The following SF3A2 variants were observed in gnomAD, a reference collection of about 807,000 sequenced individuals.
SF3A2 encodes the protein splicing factor 3a subunit 2, also known as SAP 62.
Under a neutral mutation model 31.1 loss-of-function variants are expected in SF3A2, and 5 were observed. That is an observed-to-expected ratio of 0.16 (90% CI 0.08 to 0.34). SF3A2 has a LOEUF of 0.34. Among genes scored for constraint, SF3A2 ranks in the 10% least tolerant of loss-of-function variants. The probability of loss-of-function intolerance (pLI) is 1.00; values close to 1 mark genes in which losing one functional copy is unlikely to be tolerated. For synonymous variants in SF3A2, 365 were observed against 263.7 expected, an observed-to-expected ratio of 1.38 and a Z score of -3.72; for missense variants, 577 against 643.9, an observed-to-expected ratio of 0.90 and a Z score of 1.13.
At chr19:2,239,943 G>A (rs2024874270) in intron 1 of SF3A2, among the ~76,000 whole-genome samples, 1 of 152,128 alleles carries the variant, frequency 6.6e-6, no homozygotes. Flanking sequence ...ATGAAGGAGG[G>A]TGTCAGCGAT....
In SF3A2 at chr19:2,243,349, C is replaced by A. The variant is rs928195561; in HGVS notation, c.-37-33C>A. 7 of 1,452,150 alleles carry A rather than the reference C, an allele frequency of 4.8e-6. No individual in the cohort carries two copies. In the African/African-American group the frequency reaches 8.9e-5, roughly 19 times the overall value. 90.0% of individuals were successfully genotyped at this position (1,452,150 alleles called of 1,614,324 possible). ...CCCAGCAGCAGCCCCGAGTTCTGAG[C>A]CATCTTCCTCACTCTCCTCTTGGCC... On this transcript the variant is annotated intron_variant, in intron 1 of 8. Transcript: ENST00000221494.
In SF3A2 at chr19:2,248,126, A is replaced by T; in HGVS notation, c.975A>T (p.Pro325=). The change falls in exon 9 of 9, where the codon CCA becomes CCT. Residue 325 remains proline (P), a synonymous_variant. Transcript: ENST00000221494. ...VHPPAPGVHP[P]TSGVHPPAPG... ...CCCCAGCCCCTGGGGTCCACCCACC[A>T]ACCTCTGGGGTCCACCCCCCAGCTC... is the stretch of plus-strand genomic sequence containing the variant. The T allele has an allele frequency of 7.7e-7, 1 of 1,305,406 alleles. No individual in the cohort carries two copies. 80.9% of individuals were successfully genotyped at this position (1,305,406 alleles called of 1,614,324 possible). A position where few individuals can be genotyped will look rare whatever the true frequency, so the allele number is the denominator to read the frequency against.
chr19:2,246,460 C>T lies in SF3A2; in HGVS notation c.356-293C>T, dbSNP rs537307945. Among the ~76,000 whole-genome samples the T allele has an allele frequency of 1.1e-4, 17 of 152,216 alleles. No homozygotes were observed. The highest frequency in any genetic ancestry group is 1.9e-4 in the Non-Finnish European group (13 of 67,992). Reference sequence around the variant, plus strand: ...CCCTCCCTACCCAGTGGCCCCAACTCCTGCTGGGTGGTATCCCAGCACCCC... The same window carrying T: ...CCCTCCCTACCCAGTGGCCCCAACTTCTGCTGGGTGGTATCCCAGCACCCC... On this transcript the variant is annotated intron_variant, in intron 5 of 8. Coordinates refer to ENST00000221494, the MANE Select transcript of SF3A2 (RefSeq NM_007165.5). This position sits in a 1 kb window ranked among gnomAD's most constrained non-coding sequence, Gnocchi z 5.5.
chr19:2,245,344 C>A lies in SF3A2; in HGVS notation c.246-102C>A. On this transcript the variant is annotated intron_variant, in intron 4 of 8. Transcript: ENST00000221494. This position sits in a 1 kb window ranked among gnomAD's most constrained non-coding sequence, Gnocchi z 4.2. Reference sequence around the variant, plus strand: ...GCCCCTGGCCCTCCTCATCTCTCAGCTTGTAGTGAGCTCCAAGGTCAGGGG... The same window carrying A: ...GCCCCTGGCCCTCCTCATCTCTCAGATTGTAGTGAGCTCCAAGGTCAGGGG... 1 of 829,250 alleles carries A rather than the reference C, an allele frequency of 1.2e-6. No homozygotes were observed. Among genetic ancestry groups the A allele is most frequent in the Non-Finnish European group, 1.9e-6 (1 of 516,324 alleles). The allele number at this position is 829,250 out of a possible 1,614,324, so 51.4% of individuals were successfully genotyped here.
At chr19:2,240,926 G>A (rs535932260) in intron 1 of SF3A2, among the ~76,000 whole-genome samples, 16 of 152,330 alleles carry the variant, frequency 1.1e-4, no homozygotes, top group African/African-American at 3.1e-4. Flanking sequence ...GCTGAGCTCC[G>A]CTCCTCCTGG....
Position 2,248,493 on chromosome 19 carries a change from C to T in SF3A2, c.1342C>T (p.Pro448Ser). 2 of 1,173,418 alleles carry T rather than the reference C, an allele frequency of 1.7e-6. No homozygotes were observed. The highest frequency in any genetic ancestry group is 3.5e-5 in the Admixed American group (1 of 28,814). The allele number at this position is 1,173,418 out of a possible 1,614,324, so 72.7% of individuals were successfully genotyped here. Residue 448 changes from proline (P) to serine (S), a missense_variant, in exon 9 of 9, where the codon CCA (proline) becomes TCA (serine). By Grantham distance (74) the Pro-to-Ser change is moderately conservative. Coordinates refer to ENST00000221494, the MANE Select transcript of SF3A2 (RefSeq NM_007165.5). ...TCCCATGCCCCCAATGCTGAGGCCC[C>T]CACTTCCCTCCGAAGGCCCAGGGAA... ...PTPMPPMLRP[P>S]LPSEGPGNIP... is the part of the protein sequence containing the mutation.
chr19:2,243,447 AGACCGG>A lies in SF3A2; in HGVS notation c.32_37del (p.Thr11_Gly12del). On this transcript the variant is annotated inframe_deletion, in exon 2 of 9. Coordinates refer to ENST00000221494, the MANE Select transcript of SF3A2 (RefSeq NM_007165.5). ...GACTTCCAGCATCGCCCCGGGGGCA[AGACCGG>A]GAGCGGGGGCGTGGCCTCCTCCTCC... The A allele has an allele frequency of 6.4e-7, 1 of 1,553,476 alleles. No homozygotes were observed. Among genetic ancestry groups the A allele is most frequent in the Non-Finnish European group, 8.6e-7 (1 of 1,156,384 alleles).
Position 2,245,627 on chromosome 19 carries a change from G to C in SF3A2, c.355+72G>C. ...AAGTGTGTTCTTTAGTCTCCAGTGC[G>C]GGAGGTGCAGCCCTGATAGCCTCCT... is the stretch of plus-strand genomic sequence containing the variant. On this transcript the variant is annotated intron_variant, in intron 5 of 8. Transcript: ENST00000221494. This position sits in a 1 kb window ranked among gnomAD's most constrained non-coding sequence, Gnocchi z 4.2. 8.8e-7 allele frequency: 1 copy of C among 1,137,308 alleles called. No individual in the cohort carries two copies. Among genetic ancestry groups the C allele is most frequent in the East Asian group, 2.6e-5 (1 of 39,096 alleles). 70.5% of individuals were successfully genotyped at this position (1,137,308 alleles called of 1,614,324 possible). A position where few individuals can be genotyped will look rare whatever the true frequency, so the allele number is the denominator to read the frequency against.
In SF3A2 at chr19:2,245,638, C is replaced by A; in HGVS notation, c.355+83C>A. The A allele has an allele frequency of 1.0e-6, 1 of 978,130 alleles. No homozygotes were observed. Among genetic ancestry groups the A allele is most frequent in the Non-Finnish European group, 1.6e-6 (1 of 628,424 alleles). 60.6% of individuals were successfully genotyped at this position (978,130 alleles called of 1,614,324 possible). A position where few individuals can be genotyped will look rare whatever the true frequency, so the allele number is the denominator to read the frequency against. ...TTAGTCTCCAGTGCGGGAGGTGCAG[C>A]CCTGATAGCCTCCTCCCTGAGCCAC... is the stretch of plus-strand genomic sequence containing the variant. On this transcript the variant is annotated intron_variant, in intron 5 of 8. Transcript: ENST00000221494. This position sits in a 1 kb window ranked among gnomAD's most constrained non-coding sequence, Gnocchi z 4.2.
intron 1 of SF3A2, among the ~76,000 whole-genome samples, chr19:2,239,673 A>G (rs569304227): frequency 1.3e-4 from 19 of 151,960 alleles, no homozygotes; most frequent in Admixed American, 3.3e-4. Context: ...TATTTCTGTG[A>G]TAATATTTTT....
At chr19:2,239,255 C>T (rs920410045) in intron 1 of SF3A2, among the ~76,000 whole-genome samples, 1 of 151,076 alleles carries the variant, frequency 6.6e-6, no homozygotes, top group African/African-American at 2.4e-5. Context: ...ATCTCAGCTA[C>T]TCGGGAGGCT....
chr19:2,244,311 C>T (rs1454925601), intron 2 of SF3A2, among the ~76,000 whole-genome samples: 1 of 152,102 alleles, frequency 6.6e-6, no homozygotes, highest in South Asian at 2.1e-4. Flanking sequence ...CTGGGAACCC[C>T]CACTGCTCGA....
Position 2,248,387 on chromosome 19 carries a change from C to T in SF3A2, c.1236C>T (p.Pro412=), listed in dbSNP as rs778937189. ...CCCCGGGGGTCCACCCCCAACCTCC[C>T]GGGGTCCATCCGTCGGCTCCTGGGG... ...PQAPGVHPQP[P]GVHPSAPGVH... is the part of the protein sequence containing the mutation. Residue 412 remains proline, a synonymous_variant, in exon 9 of 9, where the codon CCC becomes CCT. Coordinates refer to ENST00000221494, the MANE Select transcript of SF3A2 (RefSeq NM_007165.5). The T allele has an allele frequency of 2.0e-5, 27 of 1,377,164 alleles. No individual in the cohort carries two copies. The South Asian group carries it at 2.1e-4, about 11-fold the overall frequency. The allele number at this position is 1,377,164 out of a possible 1,614,324, so 85.3% of individuals were successfully genotyped here.
chr19:2,247,261 C>T (rs1417468372), intron 7 of SF3A2: 2 of 539,714 alleles, frequency 3.7e-6, no homozygotes, highest in Non-Finnish European at 6.5e-6. Flanking sequence ...GAGCGCCAGG[C>T]CTGTGAGGCC....
rs773101994 is a variant in SF3A2, at chr19:2,247,053, C to CCCCAAG, written c.546+31_546+32insCCCAAG. The CCCCAAG allele has an allele frequency of 6.4e-5, 102 of 1,587,002 alleles. No individual in the cohort carries two copies. The Middle Eastern group carries it at 8.4e-4, about 13-fold the overall frequency. ...GTGGCTGCGGGGTTCCCTGGGCCCCCTTGAGATGTGCAAGCCAGAAGGATC... is the reference window on the plus strand; with the variant it reads ...GTGGCTGCGGGGTTCCCTGGGCCCCCCCCAAGTTGAGATGTGCAAGCCAGAAGGATC... On this transcript the variant is annotated intron_variant, in intron 7 of 8. Transcript: ENST00000221494.
At chr19:2,241,462 A>T (rs1230022506) in intron 1 of SF3A2, among the ~76,000 whole-genome samples, 1 of 152,174 alleles carries the variant, frequency 6.6e-6, no homozygotes, top group Non-Finnish European at 1.5e-5. Flanking sequence ...TTGACCAGGA[A>T]ATGCTTGAAT....
At position 2,248,259 on chromosome 19, in the gene SF3A2, G is replaced by T; in HGVS notation, c.1108G>T (p.Ala370Ser). 7.2e-7 allele frequency: 1 copy of T among 1,386,912 alleles called. No homozygotes were observed. Among genetic ancestry groups the T allele is most frequent in the Non-Finnish European group, 9.3e-7 (1 of 1,072,250 alleles). The allele number at this position is 1,386,912 out of a possible 1,614,324, so 85.9% of individuals were successfully genotyped here. ...CCCAGGGGTCCATCCTCCCCCATCAGCGGGGGTTCACCCCCAGGCCCCGGG... is the reference window on the plus strand; with the variant it reads ...CCCAGGGGTCCATCCTCCCCCATCATCGGGGGTTCACCCCCAGGCCCCGGG... ...PAPGVHPPPS[A>S]GVHPQAPGVH... Residue 370 changes from alanine (A) to serine (S), a missense_variant, in exon 9 of 9, where the codon GCG (alanine) becomes TCG (serine). Around this residue, in one of 6 missense-constraint regions of SF3A2, gnomAD observed 462 missense variants for 339.1 expected, o/e 1.36. Coordinates refer to ENST00000221494, the MANE Select transcript of SF3A2 (RefSeq NM_007165.5).
chr19:2,248,111 TG>T lies in SF3A2; in HGVS notation c.964del (p.Val322SerfsTer124). 3 of 1,125,742 alleles carry T rather than the reference TG, an allele frequency of 2.7e-6. No individual in the cohort carries two copies. Among genetic ancestry groups the T allele is most frequent in the Non-Finnish European group, 3.7e-6 (3 of 800,642 alleles). The allele number at this position is 1,125,742 out of a possible 1,614,324, so 69.7% of individuals were successfully genotyped here. A position where few individuals can be genotyped will look rare whatever the true frequency, so the allele number is the denominator to read the frequency against. On this transcript the variant is annotated frameshift_variant, in exon 9 of 9. Coordinates refer to ENST00000221494, the MANE Select transcript of SF3A2 (RefSeq NM_007165.5). LOFTEE classifies it low-confidence loss of function (END_TRUNC). ...PAPGVHPPAPGVHPPTSGVHP... is the reference protein window; with the variant it reads ...PAPGVHPPAPXVHPPTSGVHP... ...CTCCTGGCGTCCATCCCCCAGCCCC[TG>T]GGGTCCACCCACCAACCTCTGGGGT...
chr19:2,246,132 G>A lies in SF3A2; in HGVS notation c.355+577G>A, dbSNP rs2024930259. Among the ~76,000 whole-genome samples the A allele has an allele frequency of 6.6e-6, 1 of 152,236 alleles. No individual in the cohort carries two copies. The highest frequency in any genetic ancestry group is 6.5e-5 in the Admixed American group (1 of 15,286). On this transcript the variant is annotated intron_variant, in intron 5 of 8. Transcript: ENST00000221494. This position sits in a 1 kb window ranked among gnomAD's most constrained non-coding sequence, Gnocchi z 5.5. ...CTGGCCTCCAGACAGAAGCCTGCAGGGCAGAGGTCCCGGGGCAGGTGCACC... is the reference window on the plus strand; with the variant it reads ...CTGGCCTCCAGACAGAAGCCTGCAGAGCAGAGGTCCCGGGGCAGGTGCACC...
Sources: allele counts gnomAD v4.1 joint callset (sites outside exome capture counted in the v4.1 genomes callset), GRCh38; gene constraint gnomAD v4.1.1; regional missense constraint gnomAD v4.1.1; non-coding constraint Gnocchi (gnomAD v3.1); transcripts MANE v1.5; gene names NCBI Gene and HGNC (gene_info 2026-07-23, HGNC 2026-07-21).